The following NPSR1 variants were observed in gnomAD, a reference collection of about 807,000 sequenced individuals.
NPSR1 encodes neuropeptide S receptor 1.
NPSR1 carries 48 observed loss-of-function variants against 46.9 expected under a neutral mutation model. The observed-to-expected ratio is 1.02, with a 90% confidence interval of 0.81 to 1.30. The LOEUF (loss-of-function observed/expected upper bound fraction) is 1.30, where lower values mean the gene tolerates loss of function less well. NPSR1 is among the 50% of genes most tolerant of loss of function. The pLI, the probability that NPSR1 is intolerant of heterozygous loss-of-function variation, is 0.00. For missense variants in NPSR1, 450 were observed against 449.5 expected, an observed-to-expected ratio of 1.00 and a Z score of -0.01; for synonymous variants, 176 against 168.1, an observed-to-expected ratio of 1.05 and a Z score of -0.36.
At chr7:34,780,662 C>T (rs1329055029) in intron 3 of NPSR1, among the ~76,000 whole-genome samples, 1 of 152,174 alleles carries the variant, frequency 6.6e-6, no homozygotes, top group Non-Finnish European at 1.5e-5. Flanking sequence ...GTATCCAACT[C>T]TGTAACAGCC....
chr7:34,677,570 G>A (rs1316787610), intron 1 of NPSR1, among the ~76,000 whole-genome samples: 1 of 152,174 alleles, frequency 6.6e-6, no homozygotes, highest in South Asian at 2.1e-4. Context: ...AGGGAAGGTC[G>A]ATGACTTCCC....
chr7:34,859,088 T>C (rs574047441), intron 8 of NPSR1, among the ~76,000 whole-genome samples: 1 of 151,392 alleles, frequency 6.6e-6, no homozygotes, highest in African/African-American at 2.4e-5. Flanking sequence ...AACAGGGAGG[T>C]GATCAACTGG....
At chr7:34,845,995 G>GC (rs1349332640) in intron 7 of NPSR1, among the ~76,000 whole-genome samples, 1 of 152,140 alleles carries the variant, frequency 6.6e-6, no homozygotes, top group Admixed American at 6.5e-5. Flanking sequence ...TTTCTGAAAC[G>GC]CAACTGCAAA....
intron 2 of NPSR1, among the ~76,000 whole-genome samples, chr7:34,732,138 A>C (rs1041095295): frequency 2.0e-5 from 3 of 152,036 alleles, no homozygotes; most frequent in African/African-American, 7.2e-5. Context: ...TGTAGAATTC[A>C]CAACTGATAC....
intron 8 of NPSR1, among the ~76,000 whole-genome samples, chr7:34,857,662 A>G (rs1247721382): frequency 6.6e-6 from 1 of 151,802 alleles, no homozygotes; most frequent in African/African-American, 2.4e-5. Flanking sequence ...GTGACAAAAC[A>G]CAAAACACTG....
intron 2 of NPSR1, among the ~76,000 whole-genome samples, chr7:34,723,625 C>G (rs539418632): frequency 1.3e-5 from 2 of 152,186 alleles, no homozygotes; most frequent in Admixed American, 1.3e-4. Flanking sequence ...ATTTCCATTT[C>G]AAATCTCTAT....
At chr7:34,778,411 A>T (rs1787075964) in intron 2 of NPSR1, 51 bp from the exon 3 acceptor site, 1 of 1,109,074 alleles carries the variant, frequency 9.0e-7, no homozygotes, top group Admixed American at 2.2e-5. Context: ...AAATTTGAAA[A>T]ATAAAAATAA....
At chr7:34,878,216 T>C (rs371665389) in exon 9 of NPSR1, 2 of 1,273,348 alleles carry the variant, frequency 1.6e-6, no homozygotes, top group Non-Finnish European at 2.3e-6. Context: ...GGTGGCCCTG[T>C]GCCTGGTGCC....
intron 3 of NPSR1, among the ~76,000 whole-genome samples, chr7:34,809,109 T>A (rs1211758012): frequency 6.6e-6 from 1 of 152,162 alleles, no homozygotes; most frequent in Non-Finnish European, 1.5e-5. Context: ...CACAGGGTTC[T>A]GCCATTGTGT....
At chr7:34,705,637 TAA>T (rs1189794517) in intron 2 of NPSR1, among the ~76,000 whole-genome samples, 6 of 152,180 alleles carry the variant, frequency 3.9e-5, no homozygotes, top group East Asian at 3.9e-4. Flanking sequence ...TACACACACA[TAA>T]GTCTTTTCAT....
At chr7:34,673,832 C>A (rs925572148) in intron 1 of NPSR1, among the ~76,000 whole-genome samples, 1 of 152,156 alleles carries the variant, frequency 6.6e-6, no homozygotes, top group Non-Finnish European at 1.5e-5. Context: ...TTTTATCATA[C>A]ATATTTTCAT....
At chr7:34,712,001 C>A (rs557815999) in intron 2 of NPSR1, among the ~76,000 whole-genome samples, 28 of 152,342 alleles carry the variant, frequency 1.8e-4, no homozygotes, top group African/African-American at 6.0e-4. Flanking sequence ...TCCCCATTAA[C>A]TATTCCACAA....
At chr7:34,679,069 T>TA (rs1437526422) in intron 1 of NPSR1, among the ~76,000 whole-genome samples, 1 of 152,176 alleles carries the variant, frequency 6.6e-6, no homozygotes, top group Admixed American at 6.5e-5. Context: ...AATGGTTACT[T>TA]AAAAATTAAG....
rs183543984 is a variant in NPSR1, at chr7:34,781,158, A to G, written c.384+2593A>G. Among the ~76,000 whole-genome samples the G allele has an allele frequency of 9.3e-4, 141 of 152,280 alleles. 1 individual carries two copies. Among genetic ancestry groups the G allele is most frequent in the Non-Finnish European group, 3.2e-4 (22 of 68,012 alleles). On this transcript the variant is annotated intron_variant, in intron 3 of 8. Transcript: ENST00000360581. ...CTTTGTGCAAGCAGGAAGTGAGGGCAAAGACAGAATTGTAAGTTGCCTGGC... is the reference window on the plus strand; with the variant it reads ...CTTTGTGCAAGCAGGAAGTGAGGGCGAAGACAGAATTGTAAGTTGCCTGGC...
chr7:34,851,079 C>T (rs1184058432), downstream of NPSR1, among the ~76,000 whole-genome samples: 5 of 152,144 alleles, frequency 3.3e-5, no homozygotes, highest in African/African-American at 4.8e-5. Flanking sequence ...ATCCCACCCA[C>T]GGCTCCGGTA....
In NPSR1 at chr7:34,848,425, CA is replaced by C; in HGVS notation, c.845-54del. 5 of 1,523,930 alleles carry C rather than the reference CA, an allele frequency of 3.3e-6. No individual in the cohort carries two copies. The South Asian group carries it at 5.9e-5, about 18-fold the overall frequency. The allele number at this position is 1,523,930 out of a possible 1,614,324, so 94.4% of individuals were successfully genotyped here. A position where few individuals can be genotyped will look rare whatever the true frequency, so the allele number is the denominator to read the frequency against. On this transcript the variant is annotated intron_variant, in intron 7 of 8. Coordinates refer to ENST00000360581, the MANE Select transcript of NPSR1 (RefSeq NM_207172.2). ...AGGTAAAAGTCCAGTCAGGACCAAC[CA>C]AAAGAGACCCCTCAACTGCTACCTG... is the stretch of plus-strand genomic sequence containing the variant.
chr7:34,868,639 T>C (rs1373019288), intron 8 of NPSR1, among the ~76,000 whole-genome samples: 1 of 151,558 alleles, frequency 6.6e-6, no homozygotes, highest in Non-Finnish European at 1.5e-5. Flanking sequence ...AGGAGCTGGG[T>C]GCATGAGATT....
chr7:34,700,145 A>G (rs1793745613), intron 2 of NPSR1, among the ~76,000 whole-genome samples: 1 of 152,212 alleles, frequency 6.6e-6, no homozygotes, highest in Non-Finnish European at 1.5e-5. Context: ...AGACATAGAG[A>G]CAGTGGAAGC....
intron 3 of NPSR1, among the ~76,000 whole-genome samples, chr7:34,786,750 T>G (rs1356943964): frequency 6.6e-6 from 1 of 152,158 alleles, no homozygotes; most frequent in Non-Finnish European, 1.5e-5. Flanking sequence ...TCAAAGCTCT[T>G]GGGTAACAAT....
Sources: gnomAD v4.1 joint callset for allele counts (sites outside exome capture counted in the v4.1 genomes callset) on GRCh38, gnomAD v4.1.1 for gene constraint, MANE v1.5 for transcripts, NCBI Gene and HGNC (gene_info 2026-07-23, HGNC 2026-07-21) for gene names.